The following TMTC2 variants were observed in gnomAD, a reference collection of about 807,000 sequenced individuals.
TMTC2 encodes the protein protein O-mannosyl-transferase TMTC2.
TMTC2 carries 43 observed loss-of-function variants against 82.4 expected under a neutral mutation model. That is an observed-to-expected ratio of 0.52 (90% CI 0.41 to 0.67). TMTC2 has a LOEUF of 0.67. TMTC2 is among the 30% of genes least tolerant of loss of function. The probability of loss-of-function intolerance (pLI) is 0.00; values close to 1 mark genes in which losing one functional copy is unlikely to be tolerated. For missense variants in TMTC2, 919 were observed against 1,012.4 expected (o/e 0.91, Z 1.25); for synonymous variants, 408 against 381.9 (o/e 1.07, Z -0.80).
At chr12:82,995,661 TC>T (rs1204465186) in intron 8 of TMTC2, among the ~76,000 whole-genome samples, 2 of 152,228 alleles carry the variant, frequency 1.3e-5, no homozygotes, top group Non-Finnish European at 2.9e-5. Context: ...ATTTCATATA[TC>T]CCTTGATATA....
intron 8 of TMTC2, among the ~76,000 whole-genome samples, chr12:83,015,875 G>T (rs1880655581): frequency 6.6e-6 from 1 of 152,156 alleles, no homozygotes; most frequent in Admixed American, 6.5e-5. Flanking sequence ...CTGGTCATGT[G>T]CCAGGTTCTG....
At chr12:82,993,412 A>T (rs1454375386) in intron 8 of TMTC2, among the ~76,000 whole-genome samples, 1 of 151,580 alleles carries the variant, frequency 6.6e-6, no homozygotes, top group Admixed American at 6.6e-5. Context: ...TTTTTTGGAG[A>T]TTTGCAACAA....
intron 11 of TMTC2, among the ~76,000 whole-genome samples, chr12:83,095,597 G>A (rs917286799): frequency 7.9e-5 from 12 of 152,210 alleles, no homozygotes; most frequent in Admixed American, 3.9e-4. Context: ...CCGAGACGGG[G>A]AAAGACTCTC....
At chr12:82,948,817 T>C (rs1343117680) in intron 4 of TMTC2, among the ~76,000 whole-genome samples, 2 of 151,984 alleles carry the variant, frequency 1.3e-5, no homozygotes, top group African/African-American at 4.8e-5. Context: ...TGTAATTTTT[T>C]TGAGTGTGTT....
chr12:82,735,553 G>C (rs1041785245), intron 1 of TMTC2, among the ~76,000 whole-genome samples: 1 of 151,854 alleles, frequency 6.6e-6, no homozygotes, highest in African/African-American at 2.4e-5. Flanking sequence ...CACTGTGTTA[G>C]CCAGGATGGT....
chr12:82,813,320 T>A (rs927457344), intron 1 of TMTC2, among the ~76,000 whole-genome samples: 2 of 152,128 alleles, frequency 1.3e-5, no homozygotes, highest in Admixed American at 1.3e-4. Flanking sequence ...CTTTTACATT[T>A]TTCGTTAAGT....
Position 82,997,408 on chromosome 12 carries a change from A to ATG in TMTC2, c.2070+11366_2070+11367dup, listed in dbSNP as rs1555204077. ...TGTATATATATATGTGTATATATAT[A>ATG]TGTGTATATATATATATATACACAC... On this transcript the variant is annotated intron_variant, in intron 8 of 11. Transcript: ENST00000321196. Among the ~76,000 whole-genome samples the ATG allele has an allele frequency of 9.7e-4, 40 of 41,320 alleles. 3 individuals are homozygous for ATG. Among genetic ancestry groups the ATG allele is most frequent in the East Asian group, 4.0e-3 (4 of 998 alleles). The allele number at this position is 41,320 out of a possible 152,430, so 27.1% of individuals were successfully genotyped here.
At chr12:82,932,068 G>A (rs1474323680) in intron 4 of TMTC2, among the ~76,000 whole-genome samples, 3 of 152,048 alleles carry the variant, frequency 2.0e-5, no homozygotes, top group Non-Finnish European at 4.4e-5. Context: ...AAACTAATCT[G>A]TAAACTTTTA....
Position 83,110,571 on chromosome 12 carries a change from C to T in TMTC2, c.2332-21639C>T, listed in dbSNP as rs147227091. Among the ~76,000 whole-genome samples, 359 of 152,290 alleles carry T rather than the reference C, an allele frequency of 2.4e-3. 3 individuals carry two copies. The highest frequency in any genetic ancestry group is 8.3e-3 in the African/African-American group (345 of 41,556). The stretch of plus-strand genomic sequence containing the variant: ...GACTAGTAAGTACAACACTCAGCAT[C>T]GTTAGATTAATTTGTTCTCAGTTCT... On this transcript the variant is annotated intron_variant, in intron 11 of 11. Coordinates refer to ENST00000321196, the MANE Select transcript of TMTC2 (RefSeq NM_152588.3).
chr12:82,836,152 ATGCTT>A (rs1565771820), intron 1 of TMTC2, among the ~76,000 whole-genome samples: 2 of 101,328 alleles, frequency 2.0e-5, no homozygotes, highest in African/African-American at 4.5e-4. Flanking sequence ...AATAGCTTGT[ATGCTT>A]GTATATGTTA....
intron 8 of TMTC2, among the ~76,000 whole-genome samples, chr12:82,989,555 C>T (rs916253333): frequency 1.3e-5 from 2 of 150,962 alleles, no homozygotes; most frequent in Non-Finnish European, 3.0e-5. Flanking sequence ...ATTCATTGCC[C>T]ACCTGCACCC....
At chr12:82,748,190 A>G (rs1431428464) in intron 1 of TMTC2, among the ~76,000 whole-genome samples, 1 of 152,170 alleles carries the variant, frequency 6.6e-6, no homozygotes. Flanking sequence ...ACGCACCTGT[A>G]GTCCCAGCTA....
chr12:83,114,913 A>G (rs1398096720), intron 11 of TMTC2, among the ~76,000 whole-genome samples: 1 of 151,904 alleles, frequency 6.6e-6, no homozygotes, highest in African/African-American at 2.4e-5. Context: ...AAATATGTAC[A>G]CATATATATA....
chr12:82,903,390 G>T (rs1874121810), intron 3 of TMTC2, among the ~76,000 whole-genome samples: 1 of 143,834 alleles, frequency 7.0e-6, no homozygotes, highest in Admixed American at 7.1e-5. Flanking sequence ...CAAGAAGGTA[G>T]AGTTTTTTTG....
intron 3 of TMTC2, among the ~76,000 whole-genome samples, chr12:82,898,931 T>C (rs1000473126): frequency 6.6e-6 from 1 of 152,226 alleles, no homozygotes; most frequent in Admixed American, 6.5e-5. Flanking sequence ...TGAAAACGTT[T>C]TGTAACGCTT....
intron 10 of TMTC2, among the ~76,000 whole-genome samples, chr12:83,053,361 G>T (rs1280869730): frequency 3.3e-5 from 5 of 152,028 alleles, no homozygotes. Context: ...GTCTCACTTG[G>T]TTCGCTAGAT....
chr12:83,050,857 TC>T, intron 9 of TMTC2, 46 bp from the exon 10 acceptor site: 1 of 1,344,344 alleles, frequency 7.4e-7, no homozygotes, highest in Non-Finnish European at 1.1e-6. Context: ...CTTTATTGTT[TC>T]ATGGGATTTT....
chr12:83,006,268 T>C (rs1163577599), intron 8 of TMTC2, among the ~76,000 whole-genome samples: 2 of 152,060 alleles, frequency 1.3e-5, no homozygotes, highest in Admixed American at 6.5e-5. Flanking sequence ...CAACTCTTAG[T>C]GTTTTCTCCC....
At position 82,930,553 on chromosome 12, in the gene TMTC2, T is replaced by A. The variant is rs374662667; in HGVS notation, c.1598+8T>A. On this transcript the variant is annotated splice_region_variant and intron_variant, in intron 4 of 11. Coordinates refer to ENST00000321196, the MANE Select transcript of TMTC2 (RefSeq NM_152588.3). ...TGACATGCTTTATAATTTGTGAGTA[T>A]GCCTTGCTTCTCTGGTTTGGTTCGT... is the stretch of plus-strand genomic sequence containing the variant. The A allele has an allele frequency of 5.0e-5, 78 of 1,553,226 alleles. No homozygotes were observed. In the African/African-American group the frequency reaches 8.7e-4, roughly 17 times the overall value.
Sources: allele counts gnomAD v4.1 joint callset (sites outside exome capture counted in the v4.1 genomes callset), GRCh38; gene constraint gnomAD v4.1.1; transcripts MANE v1.5; gene names NCBI Gene and HGNC (gene_info 2026-07-23, HGNC 2026-07-21).